Variants in BTAF1 observed in about 807,000 individuals in gnomAD.
The protein encoded by BTAF1 is TATA-binding protein-associated factor 172.
BTAF1 carries 38 observed loss-of-function variants against 227.1 expected under a neutral mutation model. The ratio of observed to expected loss-of-function variants is 0.17; its 90% CI spans 0.13 to 0.22. The LOEUF is 0.22. BTAF1 is among the 10% of genes least tolerant of loss of function. BTAF1 has a pLI of 1.00. For synonymous variants in BTAF1, 742 were observed against 751.9 expected (o/e 0.99, Z 0.21); for missense variants, 1,598 against 2,204.0 (o/e 0.73, Z 5.51).
Position 91,984,710 on chromosome 10 carries a change from A to G in BTAF1, c.2427+306A>G, listed in dbSNP as rs573309789. 3.0e-3 allele frequency among the ~76,000 whole-genome samples: 463 copies of G among 152,346 alleles called. 9 individuals are homozygous for G. The highest frequency in any genetic ancestry group is 0.011 in the African/African-American group (453 of 41,586). On this transcript the variant is annotated intron_variant, in intron 19 of 37. Coordinates refer to ENST00000265990, the MANE Select transcript of BTAF1 (RefSeq NM_003972.3). ...GCAGAGTATAGAAAAAACTGCTTCT[A>G]CAAGTTCCTGAGTACTTCTTCCTGC...
intron 1 of BTAF1, among the ~76,000 whole-genome samples, chr10:91,927,622 A>G (rs555765692): frequency 3.4e-5 from 5 of 147,940 alleles, no homozygotes; most frequent in Non-Finnish European, 5.9e-5. Flanking sequence ...CAGTACATTT[A>G]AAAAAAAAAT....
intron 20 of BTAF1, among the ~76,000 whole-genome samples, chr10:91,991,766 A>G (rs1008800033): frequency 1.4e-5 from 2 of 145,362 alleles, no homozygotes; most frequent in African/African-American, 2.5e-5. Flanking sequence ...GAAAAAAAAA[A>G]TTATATATAT....
chr10:92,016,021 G>T (rs1036846891), intron 32 of BTAF1, among the ~76,000 whole-genome samples: 5 of 151,902 alleles, frequency 3.3e-5, no homozygotes, highest in African/African-American at 1.2e-4. Flanking sequence ...ATTTTTCTAA[G>T]ATTTTCTTTT....
chr10:92,027,165 A>G lies in BTAF1; in HGVS notation c.5271A>G (p.Arg1757=), dbSNP rs765520760. 3 of 1,613,950 alleles carry G rather than the reference A, an allele frequency of 1.9e-6. No homozygotes were observed. The highest frequency in any genetic ancestry group is 2.5e-6 in the Non-Finnish European group (3 of 1,179,904). Reference sequence around the variant, plus strand: ...TTAACGTATACCGATTGATAACCAGAGGAACATTGGAAGAAAAAATAATGG... The same window carrying G: ...TTAACGTATACCGATTGATAACCAGGGGAACATTGGAAGAAAAAATAATGG... ...RVVNVYRLIT[R]GTLEEKIMGL... Residue 1757 remains arginine (R), a synonymous_variant, in exon 37 of 38, where the codon AGA becomes AGG. Transcript: ENST00000265990.
intron 4 of BTAF1, among the ~76,000 whole-genome samples, chr10:91,950,445 A>G (rs1286919003): frequency 6.6e-6 from 1 of 151,622 alleles, no homozygotes; most frequent in African/African-American, 2.4e-5. Context: ...TAACTCAGCC[A>G]TTATTAGAAG....
At chr10:91,932,063 A>G (rs1844307414) in intron 1 of BTAF1, among the ~76,000 whole-genome samples, 1 of 152,128 alleles carries the variant, frequency 6.6e-6, no homozygotes, top group African/African-American at 2.4e-5. Context: ...ATTGGGATAA[A>G]AGGATCTGCA....
At chr10:91,993,439 C>T (rs555440062) in intron 21 of BTAF1, among the ~76,000 whole-genome samples, 4 of 152,160 alleles carry the variant, frequency 2.6e-5, no homozygotes, top group East Asian at 1.9e-4. Flanking sequence ...AGCACATATC[C>T]GTCTGTTCCT....
intron 32 of BTAF1, among the ~76,000 whole-genome samples, chr10:92,014,324 T>C (rs1850557849): frequency 6.6e-6 from 1 of 151,978 alleles, no homozygotes; most frequent in South Asian, 2.1e-4. Flanking sequence ...GACCTCCGGG[T>C]TCAAGTGATT....
At chr10:91,954,355 A>G (rs1355335623) in intron 6 of BTAF1, among the ~76,000 whole-genome samples, 1 of 152,158 alleles carries the variant, frequency 6.6e-6, no homozygotes, top group Non-Finnish European at 1.5e-5. Context: ...GCTATGCTAA[A>G]TAGCCAATGA....
Position 91,993,740 on chromosome 10 carries a change from T to C in BTAF1, c.3092T>C (p.Leu1031Ser). Residue 1031 changes from leucine to serine, a missense_variant, in exon 22 of 38, where the codon TTG becomes TCG. By Grantham distance (145) the Leu-to-Ser change is moderately radical. Coordinates refer to ENST00000265990, the MANE Select transcript of BTAF1 (RefSeq NM_003972.3). ...CAACGGAGAGGAGCTGAATTTGCTT[T>C]GACAACTATAGTAAAGCATTTTGGT... is the stretch of plus-strand genomic sequence containing the variant. ...LVQRRGAEFA[L>S]TTIVKHFGGE... is the part of the protein sequence containing the mutation. 1.9e-6 allele frequency: 3 copies of C among 1,593,470 alleles called. No individual in the cohort carries two copies. Among genetic ancestry groups the C allele is most frequent in the Non-Finnish European group, 2.6e-6 (3 of 1,167,600 alleles).
At chr10:92,016,825 T>A (rs1850771134) in intron 33 of BTAF1, among the ~76,000 whole-genome samples, 1 of 152,204 alleles carries the variant, frequency 6.6e-6, no homozygotes, top group African/African-American at 2.4e-5. Flanking sequence ...GCACTTTTTA[T>A]ATGGAATAAT....
rs976643705 is a variant in BTAF1 at position 91,959,356 on chromosome 10, T to C, written c.990+202T>C. The C allele has an allele frequency of 9.6e-6, 11 of 1,141,374 alleles. No homozygotes were observed. The African/African-American group carries it at 1.6e-4, about 16-fold the overall frequency. The allele number at this position is 1,141,374 out of a possible 1,614,324, so 70.7% of individuals were successfully genotyped here. On this transcript the variant is annotated intron_variant, in intron 9 of 37. Transcript: ENST00000265990. ...CTAGTTGAGAGGTCAGTGAGCAACA[T>C]AATTGGTATTGCCTGGAGACACTGG...
chr10:91,965,812 AAATAC>A (rs1466950071), intron 13 of BTAF1, among the ~76,000 whole-genome samples: 14 of 152,282 alleles, frequency 9.2e-5, no homozygotes, highest in African/African-American at 3.4e-4. Flanking sequence ...ATATGAAAAT[AAATAC>A]AAGAAGGTAG....
Position 91,960,033 on chromosome 10 carries a change from A to G in BTAF1, c.1142A>G (p.His381Arg). ...CAQTLGVVLK[H>R]MNETGVHKTV... ...CAAACATTAGGTGTGGTTTTAAAACACATGAACGAAACAGGAGTTCATAAG... is the reference window on the plus strand; with the variant it reads ...CAAACATTAGGTGTGGTTTTAAAACGCATGAACGAAACAGGAGTTCATAAG... The change falls in exon 11 of 38, where the codon CAC becomes CGC. Residue 381 changes from histidine (H) to arginine (R), a missense_variant. Physicochemically the swap from His to Arg is conservative, Grantham distance 29. This residue lies in a region of BTAF1 where 52 missense variants were observed against 72.4 expected (regional missense o/e 0.72). Transcript: ENST00000265990. The G allele has an allele frequency of 6.2e-7, 1 of 1,613,570 alleles. No individual in the cohort carries two copies. Among genetic ancestry groups the G allele is most frequent in the Non-Finnish European group, 8.5e-7 (1 of 1,179,690 alleles).
intron 35 of BTAF1, among the ~76,000 whole-genome samples, chr10:92,025,433 C>G (rs1373044540): frequency 6.7e-6 from 1 of 150,054 alleles, no homozygotes; most frequent in African/African-American, 2.5e-5. Context: ...TCAGTGGTTG[C>G]TTTTTTTTTT....
At chr10:91,959,489 T>C (rs1379418515) in intron 9 of BTAF1, among the ~76,000 whole-genome samples, 2 of 152,012 alleles carry the variant, frequency 1.3e-5, no homozygotes, top group Non-Finnish European at 2.9e-5. Context: ...ATACAATCCA[T>C]GAATTTTAAG....
intron 1 of BTAF1, among the ~76,000 whole-genome samples, chr10:91,934,899 G>A (rs141659323): frequency 2.6e-5 from 4 of 152,118 alleles, no homozygotes; most frequent in Admixed American, 1.3e-4. Context: ...ATTTTATGAA[G>A]CCTTTTCAGT....
intron 30 of BTAF1, 147 bp from the exon 31 acceptor site, chr10:92,013,520 T>C (rs896397678): frequency 9.4e-7 from 1 of 1,061,194 alleles, no homozygotes; most frequent in East Asian, 2.5e-5. Context: ...TTTTACACAC[T>C]AAAATAAAGA....
chr10:92,008,513 T>G (rs1850093083), intron 26 of BTAF1, among the ~76,000 whole-genome samples: 1 of 150,466 alleles, frequency 6.6e-6, no homozygotes, highest in Non-Finnish European at 1.5e-5. Context: ...CCAGCTAGTT[T>G]TTTTTTTTTT....
Sources: gnomAD v4.1 joint callset for allele counts (sites outside exome capture counted in the v4.1 genomes callset) on GRCh38, gnomAD v4.1.1 for gene constraint, gnomAD v4.1.1 regional missense constraint, MANE v1.5 for transcripts, NCBI Gene and HGNC (gene_info 2026-07-23, HGNC 2026-07-21) for gene names.